The following THSD7A variants were observed in gnomAD, a reference collection of about 807,000 sequenced individuals.
The protein encoded by THSD7A is thrombospondin type-1 domain-containing protein 7A.
In THSD7A, 96 loss-of-function variants were observed where a neutral mutation model predicts 231.3. The ratio of observed to expected loss-of-function variants is 0.41; its 90% CI spans 0.35 to 0.49. THSD7A has a LOEUF of 0.49. Among genes scored for constraint, THSD7A ranks in the 20% least tolerant of loss-of-function variants. The pLI, the probability that THSD7A is intolerant of heterozygous loss-of-function variation, is 0.05. For missense variants in THSD7A, 2,290 were observed against 2,070.2 expected, an observed-to-expected ratio of 1.11 and a Z score of -2.06; for synonymous variants, 940 against 743.3, an observed-to-expected ratio of 1.26 and a Z score of -4.30.
rs115952037 is a variant in THSD7A at position 11,461,797 on chromosome 7, G to A, written c.2501+214C>T. Among the ~76,000 whole-genome samples, 528 of 152,238 alleles carry A rather than the reference G, an allele frequency of 3.5e-3. 4 individuals are homozygous for A. The highest frequency in any genetic ancestry group is 0.012 in the African/African-American group (509 of 41,540). ...CTACTGGAGCTAACACGTCACCTTG[G>A]AAGTTTACACAAATATTTGCCTTCT... is the stretch of plus-strand genomic sequence containing the variant. On this transcript the variant is annotated intron_variant, in intron 10 of 27. Transcript: ENST00000423059.
intron 23 of THSD7A, among the ~76,000 whole-genome samples, chr7:11,389,421 C>CTTTTTTTTTTTTTTTTTTTTTTT (rs57755425): frequency 2.7e-5 from 1 of 37,588 alleles, no homozygotes; most frequent in Non-Finnish European, 4.8e-5. Context: ...GCAACTCCTG[C>CTTTTTTTTTTTTTTTTTTTTTTT]TTTTTTTTTT....
At chr7:11,465,271 C>A (rs1329374045) in intron 9 of THSD7A, among the ~76,000 whole-genome samples, 1 of 151,894 alleles carries the variant, frequency 6.6e-6, no homozygotes, top group Non-Finnish European at 1.5e-5. Context: ...GCACAGGTAC[C>A]AATGCTGTGC....
At chr7:11,687,096 C>T (rs1295661133) in intron 1 of THSD7A, among the ~76,000 whole-genome samples, 4 of 151,524 alleles carry the variant, frequency 2.6e-5, no homozygotes, top group African/African-American at 7.3e-5. Flanking sequence ...AAAAATATTC[C>T]ATCAAACATT....
chr7:11,552,778 G>A (rs527650081), intron 4 of THSD7A, among the ~76,000 whole-genome samples: 4 of 152,014 alleles, frequency 2.6e-5, no homozygotes, highest in Admixed American at 1.3e-4. Flanking sequence ...AGATGGTACC[G>A]ATCAACAGGA....
intron 1 of THSD7A, chr7:11,820,490 C>G: frequency 2.0e-6 from 2 of 1,005,322 alleles, no homozygotes; most frequent in Non-Finnish European, 2.9e-6. Context: ...GCAAGTAATA[C>G]TTCTTGCTTT....
At chr7:11,660,867 C>A (rs981996242) in intron 1 of THSD7A, among the ~76,000 whole-genome samples, 1 of 151,372 alleles carries the variant, frequency 6.6e-6, no homozygotes, top group South Asian at 2.1e-4. Flanking sequence ...ATTAGAAAAG[C>A]TGGAGAAATG....
chr7:11,607,964 T>C (rs139889933), intron 2 of THSD7A, among the ~76,000 whole-genome samples: 143 of 152,204 alleles, frequency 9.4e-4, no homozygotes, highest in African/African-American at 3.3e-3. Flanking sequence ...TATTTAGTAA[T>C]GGGATAAACT....
At chr7:11,555,500 GTA>G (rs1281679399) in intron 4 of THSD7A, among the ~76,000 whole-genome samples, 1 of 151,734 alleles carries the variant, frequency 6.6e-6, no homozygotes, top group Non-Finnish European at 1.5e-5. Context: ...GTCTATTTTG[GTA>G]TATGTTTCAC....
In THSD7A at chr7:11,545,800, G is replaced by A. The variant is rs565702085; in HGVS notation, c.1454-2683C>T. Among the ~76,000 whole-genome samples, 17 of 152,290 alleles carry A rather than the reference G, an allele frequency of 1.1e-4. No individual in the cohort carries two copies. The South Asian group carries it at 1.9e-3, about 17-fold the overall frequency. On this transcript the variant is annotated intron_variant, in intron 4 of 27. Coordinates refer to ENST00000423059, the MANE Select transcript of THSD7A (RefSeq NM_015204.3). ...CTCTAATATGTGCAGAATCCAGAGC[G>A]TTTGGCACAGAAATAGCTGCAGAAG... is the stretch of plus-strand genomic sequence containing the variant.
chr7:11,684,800 A>C (rs1450556805), intron 1 of THSD7A, among the ~76,000 whole-genome samples: 3 of 152,054 alleles, frequency 2.0e-5, no homozygotes, highest in Admixed American at 1.3e-4. Context: ...TATACTGTTC[A>C]AAGCAATCTA....
intron 16 of THSD7A, 90 bp downstream of exon 16, chr7:11,424,606 C>T (rs111459061): frequency 0.035 from 54,440 of 1,539,740 alleles, 1,131 homozygotes; most frequent in Non-Finnish European, 0.043. Context: ...ATCCAGAAGA[C>T]TGGGGAGGAG....
At chr7:11,487,748 TGA>T (rs1405778544) in intron 6 of THSD7A, among the ~76,000 whole-genome samples, 2 of 151,990 alleles carry the variant, frequency 1.3e-5, no homozygotes, top group Non-Finnish European at 2.9e-5. Context: ...CCAGATCTCA[TGA>T]GAATTATTCA....
At chr7:11,423,559 T>C (rs78057705) in intron 16 of THSD7A, among the ~76,000 whole-genome samples, 2 of 151,948 alleles carry the variant, frequency 1.3e-5, no homozygotes, top group Admixed American at 6.6e-5. Context: ...TTAGTAGAGA[T>C]GGGGTTTCAC....
In THSD7A at chr7:11,446,242, A is replaced by G. The variant is rs755304876; in HGVS notation, c.2883T>C (p.Tyr961=). The part of the protein sequence containing the change: ...IETQYCPCDK[Y]NAQPVGNWSD... ...ACCAGTTCCCCACAGGTTGTGCATTATATTTGTCACAAGGACAATACTGAG... is the reference window on the plus strand; with the variant it reads ...ACCAGTTCCCCACAGGTTGTGCATTGTATTTGTCACAAGGACAATACTGAG... Residue 961 remains tyrosine (Y), a synonymous_variant, in exon 13 of 28, where the codon TAT becomes TAC. Transcript: ENST00000423059. The surrounding 1 kb of genome is among the most constrained non-coding windows in gnomAD (Gnocchi z 4.0). 2.5e-6 allele frequency: 4 copies of G among 1,613,514 alleles called. No individual in the cohort carries two copies. The highest frequency in any genetic ancestry group is 1.1e-5 in the South Asian group (1 of 91,082).
intron 1 of THSD7A, among the ~76,000 whole-genome samples, chr7:11,817,644 T>C (rs1264337121): frequency 2.0e-5 from 3 of 152,134 alleles, no homozygotes; most frequent in African/African-American, 7.2e-5. Flanking sequence ...TATAGCCAAG[T>C]AAGGGATAAC....
chr7:11,820,611 G>A (rs1784846484), intron 1 of THSD7A: 2 of 732,860 alleles, frequency 2.7e-6, no homozygotes, highest in Admixed American at 4.3e-5. Context: ...TCTTCCTCTG[G>A]CTTGAAATTG....
At chr7:11,724,847 G>A (rs879211941) in intron 1 of THSD7A, among the ~76,000 whole-genome samples, 3 of 151,936 alleles carry the variant, frequency 2.0e-5, no homozygotes, top group Admixed American at 2.0e-4. Flanking sequence ...AATGCCTGCT[G>A]TGGAGGCTGA....
At position 11,417,471 on chromosome 7, in the gene THSD7A, A is replaced by T; in HGVS notation, c.3516T>A (p.Gly1172=). ...CPEDCVISEW[G]PWTQCVLPCN... ...TCACCAAAACACATTGGGTCCATGG[A>T]CCCCATTCAGATATCACACAGTCCT... Residue 1172 remains glycine (G), a synonymous_variant, in exon 17 of 28, where the codon GGT becomes GGA. Coordinates refer to ENST00000423059, the MANE Select transcript of THSD7A (RefSeq NM_015204.3). 1 of 1,605,980 alleles carries T rather than the reference A, an allele frequency of 6.2e-7. No individual in the cohort carries two copies. Among genetic ancestry groups the T allele is most frequent in the Non-Finnish European group, 8.5e-7 (1 of 1,177,780 alleles).
At chr7:11,811,629 C>G (rs1352521698) in intron 1 of THSD7A, among the ~76,000 whole-genome samples, 1 of 152,092 alleles carries the variant, frequency 6.6e-6, no homozygotes, top group Non-Finnish European at 1.5e-5. Context: ...TTTCCAAAGC[C>G]TATTTACTGT....
Sources: allele counts gnomAD v4.1 joint callset (sites outside exome capture counted in the v4.1 genomes callset), GRCh38; gene constraint gnomAD v4.1.1; non-coding constraint Gnocchi (gnomAD v3.1); transcripts MANE v1.5; gene names NCBI Gene and HGNC (gene_info 2026-07-23, HGNC 2026-07-21).